The following CPM variants were observed in gnomAD, a reference collection of about 807,000 sequenced individuals.
CPM encodes carboxypeptidase M.
Under a neutral mutation model 46.4 loss-of-function variants are expected in CPM, and 35 were observed. That is an observed-to-expected ratio of 0.75 (90% CI 0.58 to 1.00). The LOEUF (loss-of-function observed/expected upper bound fraction) is 1.00. Among genes scored for constraint, CPM ranks in the 50% least tolerant of loss-of-function variants. CPM has a pLI of 0.00. For missense variants in CPM, 422 were observed against 530.4 expected (o/e 0.80, Z 2.01); for synonymous variants, 195 against 195.3 (o/e 1.00, Z 0.01).
intron 1 of CPM, 79 bp from the exon 2 acceptor site, chr12:68,932,919 C>G (rs1184256469): frequency 4.4e-6 from 6 of 1,374,972 alleles, no homozygotes; most frequent in Non-Finnish European, 6.1e-6. Flanking sequence ...TCTCGGTACT[C>G]CGGTCTCAGG....
At chr12:68,867,754 G>A (rs138762590) in intron 6 of CPM, among the ~76,000 whole-genome samples, 328 of 152,296 alleles carry the variant, frequency 2.2e-3, no homozygotes, top group African/African-American at 7.1e-3. Flanking sequence ...AGAGGTGAAC[G>A]GCCCGGCCCC....
downstream of CPM, chr12:68,848,716 T>C (rs1303635939): frequency 6.6e-6 from 1 of 152,164 alleles, no homozygotes; most frequent in African/African-American, 2.4e-5. Flanking sequence ...AGTTAAGCTT[T>C]TTGTTTTTTT....
chr12:68,886,610 C>T (rs1480150130), intron 2 of CPM, among the ~76,000 whole-genome samples: 3 of 152,022 alleles, frequency 2.0e-5, no homozygotes, highest in Non-Finnish European at 4.4e-5. Flanking sequence ...CCAGCCCTGG[C>T]GACAGAGCGA....
At chr12:68,848,624 C>T (rs1884490236), downstream of CPM, 1 of 152,146 alleles carries the variant, frequency 6.6e-6, no homozygotes, top group Non-Finnish European at 1.5e-5. Flanking sequence ...AAAAATTGCT[C>T]CCTACAAAAA....
rs371365569 is a variant in CPM at position 68,856,411 on chromosome 12, A to T, written c.*26T>A. 4.4e-6 allele frequency: 7 copies of T among 1,602,728 alleles called. No individual in the cohort carries two copies. Among genetic ancestry groups the T allele is most frequent in the Non-Finnish European group, 6.0e-6 (7 of 1,173,586 alleles). ...GAGCAATCCCTGATTCCAGGTGGTG[A>T]TGTGGGTTGAGTTTCACATTTTACT... On this transcript the variant is annotated 3_prime_UTR_variant, in exon 9 of 9. Coordinates refer to ENST00000551568, the MANE Select transcript of CPM (RefSeq NM_198320.5).
intron 2 of CPM, among the ~76,000 whole-genome samples, chr12:68,897,175 C>G (rs1886906493): frequency 6.6e-6 from 1 of 152,142 alleles, no homozygotes; most frequent in Admixed American, 6.5e-5. Context: ...AAATTTTTAA[C>G]CTATAAATTA....
intron 3 of CPM, among the ~76,000 whole-genome samples, chr12:68,878,079 A>T (rs1408652823): frequency 6.6e-6 from 1 of 152,248 alleles, no homozygotes; most frequent in East Asian, 1.9e-4. Flanking sequence ...AACCAATGCC[A>T]CAATCATAAA....
At chr12:68,896,341 C>G (rs1009290473) in intron 2 of CPM, among the ~76,000 whole-genome samples, 1 of 152,138 alleles carries the variant, frequency 6.6e-6, no homozygotes, top group Non-Finnish European at 1.5e-5. Context: ...CCCTGCAACC[C>G]CTCTCCTATC....
chr12:68,877,541 C>T (rs1185480637), intron 3 of CPM, among the ~76,000 whole-genome samples: 2 of 152,168 alleles, frequency 1.3e-5, no homozygotes, highest in Admixed American at 6.5e-5. Context: ...ACGCTCATGA[C>T]AGGGACTTGG....
At chr12:68,958,363 G>C (rs975396365) in intron 1 of CPM, among the ~76,000 whole-genome samples, 19 of 152,154 alleles carry the variant, frequency 1.2e-4, no homozygotes, top group East Asian at 7.8e-4. Flanking sequence ...GTTGTTTCCT[G>C]ACTTAAAAAG....
At chr12:68,953,842 G>T (rs1888973038) in intron 1 of CPM, among the ~76,000 whole-genome samples, 2 of 152,220 alleles carry the variant, frequency 1.3e-5, no homozygotes, top group African/African-American at 2.4e-5. Flanking sequence ...ATAAAAGTCT[G>T]TCACAATTCT....
chr12:68,852,379 A>G lies in CPM; in HGVS notation c.*4058T>C, dbSNP rs1038763030. 6.6e-6 allele frequency: 1 copy of G among 152,098 alleles called. No individual in the cohort carries two copies. The highest frequency in any genetic ancestry group is 2.4e-5 in the African/African-American group (1 of 41,420). The allele number at this position is 152,098 out of a possible 1,614,324, so 9.4% of individuals were successfully genotyped here. On this transcript the variant is annotated 3_prime_UTR_variant, in exon 9 of 9. Transcript: ENST00000551568. The stretch of plus-strand genomic sequence containing the variant: ...CTGCCTTCAAAATACTTATTACCTG[A>G]GTGTTAACTATCATCTTTCCTCCAC...
rs149138777 is a variant in CPM, at chr12:68,949,043, C to T, written c.-4+14126G>A. On this transcript the variant is annotated intron_variant, in intron 1 of 8. Transcript: ENST00000546373. ...ATTAATTCCTTTATCCTCCATCAGG[C>T]CTATCAAGTATTTTGTATGTATTAG... 2.0e-5 allele frequency among the ~76,000 whole-genome samples: 3 copies of T among 152,254 alleles called. No homozygotes were observed. In the East Asian group the frequency reaches 5.8e-4, roughly 29 times the overall value.
At chr12:68,961,668 C>T (rs548875877) in intron 1 of CPM, among the ~76,000 whole-genome samples, 1 of 151,534 alleles carries the variant, frequency 6.6e-6, no homozygotes. Context: ...AATCCCAGCA[C>T]TTTGGGAGGC....
chr12:68,933,003 G>A (rs1888577549), intron 1 of CPM, 139 bp downstream of exon 1: 5 of 598,090 alleles, frequency 8.4e-6, no homozygotes, highest in Non-Finnish European at 1.4e-5. Context: ...AGTGAGCCGT[G>A]CAACCAGAGA....
At chr12:68,909,283 C>A (rs1887480274) in intron 2 of CPM, among the ~76,000 whole-genome samples, 1 of 152,138 alleles carries the variant, frequency 6.6e-6, no homozygotes, top group Non-Finnish European at 1.5e-5. Context: ...CTGGCCCTGG[C>A]CTCAAACAAT....
intron 1 of CPM, among the ~76,000 whole-genome samples, chr12:68,944,714 TTTG>T (rs1888818151): frequency 9.8e-6 from 1 of 102,356 alleles, no homozygotes; most frequent in Admixed American, 9.2e-5. Context: ...CACCTTGTTT[TTTG>T]TTTTTTTTTT....
intron 3 of CPM, among the ~76,000 whole-genome samples, chr12:68,874,449 C>A (rs1253502378): frequency 1.3e-5 from 2 of 151,994 alleles, no homozygotes; most frequent in African/African-American, 4.8e-5. Flanking sequence ...AACCCCATCT[C>A]TACTAAAAAT....
chr12:68,963,149 A>G (rs75384056), intron 1 of CPM: 6,379 of 157,458 alleles, frequency 0.041, 441 homozygotes, highest in African/African-American at 0.14. Context: ...AACTGGTCAT[A>G]AGGAAATGAT....
Sources: allele counts gnomAD v4.1 joint callset (sites outside exome capture counted in the v4.1 genomes callset), GRCh38; gene constraint gnomAD v4.1.1; transcripts MANE v1.5; gene names NCBI Gene and HGNC (gene_info 2026-07-23, HGNC 2026-07-21).